GPC5: variants seen among roughly 807,000 people sequenced by gnomAD.
GPC5 encodes the protein glypican-5.
A neutral mutation model predicts 53.9 loss-of-function variants in GPC5; 47 were observed. That is an observed-to-expected ratio of 0.87 (90% CI 0.69 to 1.11). The LOEUF (loss-of-function observed/expected upper bound fraction) is 1.11. Among genes scored for constraint, GPC5 ranks in the 50% most tolerant of loss-of-function variants. The pLI, the probability that GPC5 is intolerant of heterozygous loss-of-function variation, is 0.00. For missense variants in GPC5, 748 were observed against 713.1 expected (o/e 1.05, Z -0.56); for synonymous variants, 286 against 263.3 (o/e 1.09, Z -0.84).
intron 6 of GPC5, among the ~76,000 whole-genome samples, chr13:91,970,911 A>G (rs144894312): frequency 1.5e-3 from 226 of 152,322 alleles, no homozygotes; most frequent in African/African-American, 5.1e-3. Context: ...CATCAAGGAT[A>G]TTGGTCTAAA....
At chr13:92,629,907 T>G (rs1427615972) in intron 7 of GPC5, among the ~76,000 whole-genome samples, 1 of 152,200 alleles carries the variant, frequency 6.6e-6, no homozygotes, top group Non-Finnish European at 1.5e-5. Flanking sequence ...AAATACTTGA[T>G]GACAGGTCCT....
chr13:92,144,904 A>G lies in GPC5; in HGVS notation c.1476A>G (p.Glu492=). 6.2e-7 allele frequency: 1 copy of G among 1,609,222 alleles called. No individual in the cohort carries two copies. Residue 492 remains glutamate, a synonymous_variant, in exon 7 of 8, where the codon GAA becomes GAG. Coordinates refer to ENST00000377067, the MANE Select transcript of GPC5 (RefSeq NM_004466.6). The part of the protein sequence containing the change: ...LQLGSGGGMV[E]QVSGDCDDED... ...TGGGCAGTGGTGGAGGCATGGTTGA[A>G]CAAGTCAGTGGGGACTGTGATGATG...
chr13:92,304,776 A>G (rs938530913), intron 7 of GPC5, among the ~76,000 whole-genome samples: 1 of 152,182 alleles, frequency 6.6e-6, no homozygotes, highest in Admixed American at 6.5e-5. Context: ...ACTTTGTACA[A>G]ATGGAAAATT....
At chr13:92,060,728 A>C (rs1225311901) in intron 6 of GPC5, among the ~76,000 whole-genome samples, 4 of 152,116 alleles carry the variant, frequency 2.6e-5, no homozygotes, top group African/African-American at 9.7e-5. Flanking sequence ...AAAAAGGTGA[A>C]GTGTAATTAC....
intron 7 of GPC5, among the ~76,000 whole-genome samples, chr13:92,846,899 C>A (rs1878631281): frequency 6.6e-6 from 1 of 152,130 alleles, no homozygotes; most frequent in Admixed American, 6.5e-5. Flanking sequence ...CAAAGTCTTT[C>A]TTTTATAATG....
chr13:92,440,167 T>A (rs1289130346), intron 7 of GPC5, among the ~76,000 whole-genome samples: 1 of 152,204 alleles, frequency 6.6e-6, no homozygotes, highest in Non-Finnish European at 1.5e-5. Context: ...TATTGCGTGA[T>A]GCTGAGGTTT....
chr13:91,723,387 C>G (rs2036514021), intron 3 of GPC5, among the ~76,000 whole-genome samples: 1 of 151,792 alleles, frequency 6.6e-6, no homozygotes, highest in Non-Finnish European at 1.5e-5. Flanking sequence ...TATTCATTAA[C>G]TTGGTTTTGA....
At chr13:92,672,221 T>G (rs1886777183) in intron 7 of GPC5, among the ~76,000 whole-genome samples, 1 of 152,182 alleles carries the variant, frequency 6.6e-6, no homozygotes. Flanking sequence ...AGAAAAGCCA[T>G]TTGTACCCCA....
chr13:92,039,561 G>A (rs1398487098), intron 6 of GPC5, among the ~76,000 whole-genome samples: 1 of 152,222 alleles, frequency 6.6e-6, no homozygotes, highest in Admixed American at 6.5e-5. Flanking sequence ...ATCAGCAAAA[G>A]TTGGTTGCTG....
At position 91,561,771 on chromosome 13, in the gene GPC5, A is replaced by G. The variant is rs145566055; in HGVS notation, c.325+112849A>G. Among the ~76,000 whole-genome samples the G allele has an allele frequency of 4.6e-5, 7 of 152,030 alleles. No individual in the cohort carries two copies. In the East Asian group the frequency reaches 1.2e-3, roughly 25 times the overall value. ...ATCAATTTACAATAGATGAAATTGT[A>G]ATTAAATATGCAATGTGGTCACTCT... On this transcript the variant is annotated intron_variant, in intron 2 of 7. Coordinates refer to ENST00000377067, the MANE Select transcript of GPC5 (RefSeq NM_004466.6).
intron 5 of GPC5, among the ~76,000 whole-genome samples, chr13:91,813,806 A>G (rs2038353099): frequency 6.6e-6 from 1 of 152,118 alleles, no homozygotes; most frequent in Non-Finnish European, 1.5e-5. Context: ...AGCATTTTTT[A>G]AAGGCTTAGC....
intron 5 of GPC5, among the ~76,000 whole-genome samples, chr13:91,881,552 T>A (rs551858496): frequency 1.4e-4 from 21 of 152,294 alleles, no homozygotes; most frequent in African/African-American, 4.1e-4. Context: ...GACTTCTCCT[T>A]CTTTTTTCTG....
chr13:92,608,981 G>A (rs530437747), intron 7 of GPC5, among the ~76,000 whole-genome samples: 2 of 152,068 alleles, frequency 1.3e-5, no homozygotes, highest in African/African-American at 4.8e-5. Flanking sequence ...TGTTTTTCCT[G>A]TCTTGAAAAA....
intron 2 of GPC5, among the ~76,000 whole-genome samples, chr13:91,680,052 C>T (rs571967983): frequency 1.6e-4 from 24 of 152,150 alleles, no homozygotes; most frequent in African/African-American, 4.1e-4. Flanking sequence ...AGGAAAACAA[C>T]GTACTGTATT....
intron 7 of GPC5, among the ~76,000 whole-genome samples, chr13:92,427,963 AT>A (rs1158254621): frequency 6.6e-6 from 1 of 152,144 alleles, no homozygotes; most frequent in Non-Finnish European, 1.5e-5. Context: ...CAAAATAATA[AT>A]GTGGAATAAT....
At chr13:91,689,184 AATATATATATATAT>A (rs1169911890) in intron 2 of GPC5, among the ~76,000 whole-genome samples, 931 of 49,590 alleles carry the variant, frequency 0.019, 24 homozygotes, top group African/African-American at 0.057. Context: ...ATCATATATA[AATATATATATATAT>A]ATATATATAT....
intron 7 of GPC5, among the ~76,000 whole-genome samples, chr13:92,803,148 GTTA>G (rs1179795630): frequency 4.6e-5 from 7 of 151,790 alleles, no homozygotes; most frequent in African/African-American, 1.2e-4. Context: ...TCCTCAATAA[GTTA>G]TTATTTTTTA....
chr13:91,857,176 A>G (rs1369722277), intron 5 of GPC5, among the ~76,000 whole-genome samples: 4 of 151,326 alleles, frequency 2.6e-5, no homozygotes, highest in Non-Finnish European at 4.4e-5. Context: ...CAGAGTAATA[A>G]TTTCTCCCAA....
intron 7 of GPC5, among the ~76,000 whole-genome samples, chr13:92,312,672 T>C (rs943635355): frequency 1.3e-5 from 2 of 152,168 alleles, no homozygotes; most frequent in Non-Finnish European, 2.9e-5. Flanking sequence ...TTTGTTGACA[T>C]ATTAAAGTGG....
Sources: gnomAD v4.1 joint callset for allele counts (sites outside exome capture counted in the v4.1 genomes callset) on GRCh38, gnomAD v4.1.1 for gene constraint, MANE v1.5 for transcripts, NCBI Gene and HGNC (gene_info 2026-07-23, HGNC 2026-07-21) for gene names.